Variants in ME3 observed in about 807,000 individuals in gnomAD.
ME3 encodes the protein malic enzyme 3, also known as NADP-dependent malic enzyme, mitochondrial.
A neutral mutation model predicts 68.9 loss-of-function variants in ME3; 48 were observed. The observed-to-expected ratio is 0.70, with a 90% CI of 0.55 to 0.89. The LOEUF (loss-of-function observed/expected upper bound fraction) is 0.89, where lower values mean the gene tolerates loss of function less well. Among genes scored for constraint, ME3 ranks in the 40% least tolerant of loss-of-function variants. ME3 has a pLI of 0.00. For synonymous variants in ME3, 320 were observed against 318.8 expected, an observed-to-expected ratio of 1.00 and a Z score of -0.04; for missense variants, 675 against 797.4, an observed-to-expected ratio of 0.85 and a Z score of 1.85.
intron 2 of ME3, among the ~76,000 whole-genome samples, chr11:86,636,071 G>T (rs1022118416): frequency 5.9e-5 from 9 of 152,164 alleles, no homozygotes; most frequent in African/African-American, 2.2e-4. Context: ...AGCCTACAAG[G>T]GTCCTAGAAA....
intron 4 of ME3, among the ~76,000 whole-genome samples, chr11:86,509,489 C>A (rs962516269): frequency 5.3e-5 from 8 of 152,158 alleles, no homozygotes; most frequent in Non-Finnish European, 1.0e-4. Flanking sequence ...GGGAATCAAG[C>A]TTTGAAAGCA....
At chr11:86,462,252 C>T (rs572296007) in intron 8 of ME3, among the ~76,000 whole-genome samples, 15 of 152,130 alleles carry the variant, frequency 9.9e-5, no homozygotes, top group Non-Finnish European at 1.6e-4. Flanking sequence ...TTTGCGAACA[C>T]TCACAGATGA....
At chr11:86,456,220 GTC>G (rs963989155) in intron 8 of ME3, among the ~76,000 whole-genome samples, 2 of 152,184 alleles carry the variant, frequency 1.3e-5, no homozygotes, top group Admixed American at 1.3e-4. Context: ...GCTCATCGGA[GTC>G]TGTTTCAGGA....
In ME3 at chr11:86,446,451, TC is replaced by T; in HGVS notation, c.1416del (p.Ser473ValfsTer2). On this transcript the variant is annotated frameshift_variant, in exon 13 of 15. Coordinates refer to ENST00000543262, the Ensembl canonical transcript of ME3. LOFTEE classifies it high-confidence loss of function. ...GTCTTGCCATCTTCCAGAGTCACAC[TC>T]TTAAAAGGACTTCCACTGGCAAAAA... 6.2e-7 allele frequency: 1 copy of T among 1,614,166 alleles called. No individual in the cohort carries two copies.
intron 2 of ME3, among the ~76,000 whole-genome samples, chr11:86,616,075 A>G (rs889428120): frequency 6.6e-6 from 1 of 152,216 alleles, no homozygotes; most frequent in Non-Finnish European, 1.5e-5. Context: ...GTGACTATAA[A>G]CAAAAAGCAA....
intron 2 of ME3, among the ~76,000 whole-genome samples, chr11:86,666,099 T>C (rs1946571610): frequency 6.6e-6 from 1 of 152,204 alleles, no homozygotes. Flanking sequence ...CCAATTTCCC[T>C]TTATTTAATA....
chr11:86,442,725 C>T, intron 14 of ME3, 96 bp downstream of exon 14: 1 of 1,015,330 alleles, frequency 9.8e-7, no homozygotes, highest in South Asian at 1.6e-5. Flanking sequence ...GATCCAGTGT[C>T]TCCACAGTTT....
chr11:86,510,401 T>C (rs916187427), intron 4 of ME3, among the ~76,000 whole-genome samples: 1 of 152,200 alleles, frequency 6.6e-6, no homozygotes, highest in African/African-American at 2.4e-5. Flanking sequence ...CTCAGTCTCT[T>C]ATGTTGGGTA....
At chr11:86,635,558 G>C (rs903627099) in intron 2 of ME3, among the ~76,000 whole-genome samples, 2 of 152,150 alleles carry the variant, frequency 1.3e-5, no homozygotes, top group African/African-American at 2.4e-5. Flanking sequence ...GAGATGATGA[G>C]AGCCCTCAAG....
chr11:86,608,706 T>C (rs1942334377), intron 2 of ME3, among the ~76,000 whole-genome samples: 1 of 152,152 alleles, frequency 6.6e-6, no homozygotes, highest in South Asian at 2.1e-4. Context: ...AAATTAAAAA[T>C]AAAGTAAAAC....
chr11:86,534,075 GTGTGTGTATATATA>G (rs1457160017), intron 4 of ME3, among the ~76,000 whole-genome samples: 145 of 38,272 alleles, frequency 3.8e-3, no homozygotes, highest in Non-Finnish European at 7.7e-3. Context: ...AGGTGTGTGT[GTGTGTGTATATATA>G]TATATATATA....
intron 4 of ME3, among the ~76,000 whole-genome samples, chr11:86,519,905 G>A (rs1021041936): frequency 3.3e-5 from 5 of 152,234 alleles, no homozygotes; most frequent in Non-Finnish European, 5.9e-5. Flanking sequence ...TCTGTGGAAC[G>A]TCCTCAGGGA....
At chr11:86,644,064 T>C (rs1227128781) in intron 2 of ME3, among the ~76,000 whole-genome samples, 1 of 152,158 alleles carries the variant, frequency 6.6e-6, no homozygotes, top group Non-Finnish European at 1.5e-5. Flanking sequence ...TGGGAAGTAA[T>C]TGCAATAAGC....
At chr11:86,667,841 G>T (rs1225673881) in intron 2 of ME3, 1 of 152,108 alleles carries the variant, frequency 6.6e-6, no homozygotes, top group Non-Finnish European at 1.5e-5. Context: ...TTCCTATGAA[G>T]GTAACCCTGT....
chr11:86,648,377 A>G (rs1000707189), intron 2 of ME3, among the ~76,000 whole-genome samples: 4 of 152,238 alleles, frequency 2.6e-5, no homozygotes, highest in African/African-American at 9.6e-5. Context: ...AAAGCTGGAA[A>G]GATCTCAAAT....
At chr11:86,552,074 T>G (rs1304556501) in intron 4 of ME3, among the ~76,000 whole-genome samples, 2 of 152,196 alleles carry the variant, frequency 1.3e-5, no homozygotes, top group Admixed American at 1.3e-4. Context: ...ACTGAGTAGA[T>G]GACAACTCCT....
chr11:86,509,856 A>G (rs1953388643), intron 4 of ME3, among the ~76,000 whole-genome samples: 1 of 152,098 alleles, frequency 6.6e-6, no homozygotes, highest in African/African-American at 2.4e-5. Context: ...ATTTGAGTCC[A>G]GCCAAATCAA....
intron 2 of ME3, among the ~76,000 whole-genome samples, chr11:86,619,624 A>G (rs542481149): frequency 6.6e-6 from 1 of 152,286 alleles, no homozygotes; most frequent in East Asian, 1.9e-4. Flanking sequence ...CTTGGTTCTC[A>G]TTCTTTCTTG....
intron 2 of ME3, among the ~76,000 whole-genome samples, chr11:86,593,329 A>G (rs942712224): frequency 2.0e-5 from 3 of 146,926 alleles, no homozygotes; most frequent in Admixed American, 1.4e-4. Context: ...CCTGTCATAA[A>G]AGGATCTCAT....
Sources: gnomAD v4.1 joint callset for allele counts (sites outside exome capture counted in the v4.1 genomes callset) on GRCh38, gnomAD v4.1.1 for gene constraint, MANE v1.5 for transcripts, NCBI Gene and HGNC (gene_info 2026-07-23, HGNC 2026-07-21) for gene names.